Variants in VEPH1 observed in about 807,000 individuals in gnomAD.
VEPH1 encodes ventricular zone-expressed PH domain-containing protein homolog 1.
A neutral mutation model predicts 85.2 loss-of-function variants in VEPH1; 80 were observed. That is an observed-to-expected ratio of 0.94 (90% CI 0.78 to 1.13). The LOEUF is 1.13. Ranked by LOEUF, VEPH1 falls within the 50% of genes most tolerant of loss-of-function variation. The pLI, the probability that VEPH1 is intolerant of heterozygous loss-of-function variation, is 0.00. For synonymous variants in VEPH1, 297 were observed against 348.0 expected (o/e 0.85, Z 1.63); for missense variants, 955 against 980.5 (o/e 0.97, Z 0.35).
intron 2 of VEPH1, among the ~76,000 whole-genome samples, chr3:157,479,921 C>T (rs957349242): frequency 1.3e-5 from 2 of 152,170 alleles, no homozygotes; most frequent in Non-Finnish European, 2.9e-5. Context: ...GATACCATAA[C>T]CCTAAAAGCC....
chr3:157,281,149 A>C (rs1164819769), intron 12 of VEPH1, among the ~76,000 whole-genome samples: 1 of 151,304 alleles, frequency 6.6e-6, no homozygotes, highest in Non-Finnish European at 1.5e-5. Flanking sequence ...AAAGAGGGAG[A>C]GAGAAATGAG....
chr3:157,422,518 C>A (rs1732421785), intron 5 of VEPH1, among the ~76,000 whole-genome samples: 1 of 152,198 alleles, frequency 6.6e-6, no homozygotes, highest in African/African-American at 2.4e-5. Context: ...TGAGGAAACT[C>A]CTCCTCTTGT....
chr3:157,383,105 A>C (rs1728944961), intron 6 of VEPH1, among the ~76,000 whole-genome samples: 3 of 152,326 alleles, frequency 2.0e-5, no homozygotes, highest in Admixed American at 2.0e-4. Context: ...CTAGGATTAC[A>C]GGCGTGAGCC....
chr3:157,297,292 A>G (rs1559933882), intron 11 of VEPH1, among the ~76,000 whole-genome samples: 1 of 152,238 alleles, frequency 6.6e-6, no homozygotes, highest in Non-Finnish European at 1.5e-5. Context: ...AAAATCAGGT[A>G]ACATACTTAC....
intron 11 of VEPH1, 122 bp downstream of exon 11, chr3:157,313,499 G>T: frequency 1.7e-6 from 2 of 1,162,910 alleles, no homozygotes; most frequent in Non-Finnish European, 2.4e-6. Context: ...AGTGTTTTAT[G>T]ATAATAATAA....
intron 11 of VEPH1, among the ~76,000 whole-genome samples, chr3:157,313,183 C>T (rs1175827309): frequency 1.3e-5 from 2 of 151,966 alleles, no homozygotes; most frequent in South Asian, 2.1e-4. Flanking sequence ...GGATTACAGG[C>T]ATGAGCCACC....
At chr3:157,369,073 C>T (rs968626404) in intron 7 of VEPH1, among the ~76,000 whole-genome samples, 1 of 150,366 alleles carries the variant, frequency 6.7e-6, no homozygotes, top group Non-Finnish European at 1.5e-5. Flanking sequence ...ACTGAGACCA[C>T]ATTGTTGTCT....
intron 2 of VEPH1, 71 bp downstream of exon 2, chr3:157,495,141 A>G (rs1368511303): frequency 2.7e-6 from 4 of 1,463,802 alleles, no homozygotes; most frequent in African/African-American, 1.4e-5. Flanking sequence ...TCTTTCTGCC[A>G]GGATATAAAC....
chr3:157,296,150 A>G (rs1249687133), intron 11 of VEPH1, among the ~76,000 whole-genome samples: 2 of 152,212 alleles, frequency 1.3e-5, no homozygotes, highest in African/African-American at 4.8e-5. Flanking sequence ...CAACAGTACA[A>G]AAGCATTCAT....
chr3:157,279,800 G>A (rs926749423), intron 12 of VEPH1, among the ~76,000 whole-genome samples: 4 of 151,936 alleles, frequency 2.6e-5, no homozygotes, highest in South Asian at 2.1e-4. Flanking sequence ...GGCGGATCAC[G>A]AGGTCAAGAG....
At position 157,499,376 on chromosome 3, in the gene VEPH1, C is replaced by T. The variant is rs989317529; in HGVS notation, c.-157-3870G>A. ...ACATTTCAGGGAGTCACAGCTGTCC[C>T]GCGCAAACTCGACTTTACCTGCGTG... On this transcript the variant is annotated intron_variant, in intron 1 of 13. Transcript: ENST00000362010. The T allele has an allele frequency of 3.3e-5, 5 of 152,020 alleles. No homozygotes were observed. The South Asian group carries it at 8.3e-4, about 25-fold the overall frequency. The allele number at this position is 152,020 out of a possible 1,614,324, so 9.4% of individuals were successfully genotyped here. A position where few individuals can be genotyped will look rare whatever the true frequency, so the allele number is the denominator to read the frequency against.
At chr3:157,299,952 C>A (rs1038175748) in intron 11 of VEPH1, among the ~76,000 whole-genome samples, 1 of 152,106 alleles carries the variant, frequency 6.6e-6, no homozygotes, top group African/African-American at 2.4e-5. Context: ...TTGAATCTCA[C>A]GACATCCCTG....
In VEPH1 at chr3:157,429,154, C is replaced by G. The variant is rs540405354; in HGVS notation, c.530-666G>C. Among the ~76,000 whole-genome samples, 13 of 152,218 alleles carry G rather than the reference C, an allele frequency of 8.5e-5. No individual in the cohort carries two copies. In the South Asian group the frequency reaches 2.7e-3, roughly 32 times the overall value. On this transcript the variant is annotated intron_variant, in intron 4 of 13. Coordinates refer to ENST00000362010, the MANE Select transcript of VEPH1 (RefSeq NM_001167912.2). ...AAAACTATTACATAACGTATAGAAA[C>G]TTATCTGCAATCAACATATGGGCAA...
chr3:157,415,589 A>G (rs902505476), intron 5 of VEPH1, among the ~76,000 whole-genome samples: 3 of 151,982 alleles, frequency 2.0e-5, no homozygotes, highest in African/African-American at 7.2e-5. Flanking sequence ...TTTAGCCACA[A>G]TGGTGTTTTT....
chr3:157,430,627 A>T (rs1733068970), intron 4 of VEPH1, among the ~76,000 whole-genome samples: 1 of 152,212 alleles, frequency 6.6e-6, no homozygotes, highest in Non-Finnish European at 1.5e-5. Flanking sequence ...TAAAACACAG[A>T]TGTTGATTCA....
intron 7 of VEPH1, among the ~76,000 whole-genome samples, chr3:157,365,924 G>A (rs191459479): frequency 2.6e-5 from 4 of 152,258 alleles, no homozygotes; most frequent in East Asian, 1.9e-4. Flanking sequence ...TACCATTGGC[G>A]GTTAACTCGA....
intron 11 of VEPH1, among the ~76,000 whole-genome samples, chr3:157,289,730 T>C (rs1368173391): frequency 6.6e-6 from 1 of 151,976 alleles, no homozygotes; most frequent in Non-Finnish European, 1.5e-5. Flanking sequence ...ATGGCTTCTA[T>C]TTTTCTAACA....
intron 9 of VEPH1, among the ~76,000 whole-genome samples, chr3:157,356,226 AAAC>A (rs935546198): frequency 1.3e-5 from 2 of 152,142 alleles, no homozygotes; most frequent in African/African-American, 4.8e-5. Flanking sequence ...AAAAACAAAC[AAAC>A]AACAACAACA....
rs1487372281 is a variant in VEPH1 at position 157,413,838 on chromosome 3, C to T, written c.906+43G>A. ...CCTATTAAATAGGTTGGATTAAGTG[C>T]CAGTGCAATTCAGGGGAATGGAGAG... is the stretch of plus-strand genomic sequence containing the variant. On this transcript the variant is annotated intron_variant, in intron 6 of 13. Coordinates refer to ENST00000362010, the MANE Select transcript of VEPH1 (RefSeq NM_001167912.2). The T allele has an allele frequency of 3.1e-6, 5 of 1,588,250 alleles. No homozygotes were observed. In the Admixed American group the frequency reaches 8.5e-5, roughly 27 times the overall value.
Sources: allele counts gnomAD v4.1 joint callset (sites outside exome capture counted in the v4.1 genomes callset), GRCh38; gene constraint gnomAD v4.1.1; transcripts MANE v1.5; gene names NCBI Gene and HGNC (gene_info 2026-07-23, HGNC 2026-07-21).